Variants in DIAPH2 observed in about 807,000 individuals in gnomAD.
DIAPH2 encodes the protein protein diaphanous homolog 2.
DIAPH2 carries 35 observed loss-of-function variants against 92.7 expected under a neutral mutation model. That is an observed-to-expected ratio of 0.38 (90% CI 0.29 to 0.50). The LOEUF is 0.50. Ranked by LOEUF, DIAPH2 falls within the 20% of genes least tolerant of loss-of-function variation. The pLI, the probability that DIAPH2 is intolerant of heterozygous loss-of-function variation, is 0.94. For synonymous variants in DIAPH2, 301 were observed against 280.4 expected, an observed-to-expected ratio of 1.07 and a Z score of -0.73; for missense variants, 701 against 819.5, an observed-to-expected ratio of 0.86 and a Z score of 1.77.
At chrX:97,538,639 T>A (rs1386940893) in intron 26 of DIAPH2, among the ~76,000 whole-genome samples, 3 of 112,311 alleles carry the variant, frequency 2.7e-5, no homozygotes, top group Non-Finnish European at 5.6e-5. Context: ...CTTTATGGAT[T>A]CACTGCAGCT....
intron 23 of DIAPH2, among the ~76,000 whole-genome samples, chrX:97,336,391 G>A (rs866549997): frequency 2.8e-5 from 3 of 107,451 alleles, no homozygotes; most frequent in Admixed American, 1.0e-4. Context: ...GACTACAGGC[G>A]CCCGCCACCA....
At chrX:97,015,897 C>T (rs1370982368) in intron 17 of DIAPH2, among the ~76,000 whole-genome samples, 2 of 109,543 alleles carry the variant, frequency 1.8e-5, no homozygotes, top group Admixed American at 2.0e-4. Flanking sequence ...TATACACTAA[C>T]CTATATATTG....
At chrX:96,698,892 TAAA>T (rs2063839165) in intron 1 of DIAPH2, among the ~76,000 whole-genome samples, 1 of 108,088 alleles carries the variant, frequency 9.3e-6, no homozygotes, top group South Asian at 4.1e-4. Context: ...CATGCCCCAC[TAAA>T]TTTTTTTTTT....
chrX:97,574,918 G>A (rs1165425941), intron 26 of DIAPH2, among the ~76,000 whole-genome samples: 1 of 111,811 alleles, frequency 8.9e-6, no homozygotes, highest in Non-Finnish European at 1.9e-5. Flanking sequence ...TCTATTATAA[G>A]AGCCTAAGCA....
chrX:97,324,318 A>G (rs770076106), intron 23 of DIAPH2, among the ~76,000 whole-genome samples: 1 of 111,738 alleles, frequency 8.9e-6, no homozygotes, highest in Non-Finnish European at 1.9e-5. Context: ...TCAGGTGGCA[A>G]CTGCACTGTC....
intron 26 of DIAPH2, 64 bp from the exon 27 acceptor site, chrX:97,599,189 A>G: frequency 1.2e-6 from 1 of 813,431 alleles, no homozygotes; most frequent in Middle Eastern, 3.0e-4. Flanking sequence ...TCAACCTAAC[A>G]TCATGTAATA....
chrX:97,168,635 A>G (rs2067429709), intron 22 of DIAPH2, among the ~76,000 whole-genome samples: 2 of 111,973 alleles, frequency 1.8e-5, no homozygotes, highest in African/African-American at 3.2e-5. Context: ...GAGGAAAACA[A>G]TAAACACATA....
chrX:97,178,069 G>A (rs1569320951), intron 22 of DIAPH2, among the ~76,000 whole-genome samples: 1 of 110,755 alleles, frequency 9.0e-6, no homozygotes, highest in Non-Finnish European at 1.9e-5. Flanking sequence ...AAGTTAGCCA[G>A]TTGTGGTGGT....
chrX:97,248,156 C>G (rs939619464), intron 23 of DIAPH2, among the ~76,000 whole-genome samples: 4 of 111,185 alleles, frequency 3.6e-5, no homozygotes, highest in African/African-American at 9.8e-5. Context: ...CTTATATAAC[C>G]AAATGTTTAA....
chrX:97,201,220 C>T (rs764067187), intron 22 of DIAPH2, among the ~76,000 whole-genome samples: 16 of 102,889 alleles, frequency 1.6e-4, no homozygotes, highest in African/African-American at 5.8e-4. Flanking sequence ...AAAACCAGCG[C>T]AAAAACTCTG....
At chrX:97,291,513 A>G (rs767328260) in intron 23 of DIAPH2, among the ~76,000 whole-genome samples, 1 of 111,707 alleles carries the variant, frequency 9.0e-6, no homozygotes, top group Non-Finnish European at 1.9e-5. Flanking sequence ...AGCTTCTACT[A>G]ATACAACAAG....
At chrX:97,143,565 TTATA>T (rs2067222820) in intron 22 of DIAPH2, among the ~76,000 whole-genome samples, 1 of 110,264 alleles carries the variant, frequency 9.1e-6, no homozygotes, top group Non-Finnish European at 1.9e-5. Context: ...CAACAGGTAT[TTATA>T]TAAACCTCAA....
chrX:97,197,033 G>A (rs1283363413), intron 22 of DIAPH2, among the ~76,000 whole-genome samples: 3 of 111,125 alleles, frequency 2.7e-5, no homozygotes, highest in East Asian at 2.8e-4. Flanking sequence ...TGATCCACCC[G>A]CCTCAGCCTC....
chrX:97,551,431 A>G (rs1276829647), intron 26 of DIAPH2, among the ~76,000 whole-genome samples: 1 of 109,403 alleles, frequency 9.1e-6, no homozygotes, highest in Non-Finnish European at 1.9e-5. Flanking sequence ...CTCTACTAAA[A>G]ATACAAAACT....
chrX:96,939,484 G>GTGTATATATATATA, intron 12 of DIAPH2, 102 bp downstream of exon 12: 1 of 152,152 alleles, frequency 6.6e-6, no homozygotes, highest in Non-Finnish European at 1.3e-5. Context: ...ATATGTGTGT[G>GTGTATATATATATA]TATGTATATA....
At chrX:96,762,025 T>C (rs964583680) in intron 4 of DIAPH2, among the ~76,000 whole-genome samples, 3 of 111,758 alleles carry the variant, frequency 2.7e-5, no homozygotes, top group African/African-American at 9.7e-5. Flanking sequence ...CTTTTCAACA[T>C]AGGATTCTTA....
chrX:96,956,816 C>T (rs2065813457), intron 15 of DIAPH2, among the ~76,000 whole-genome samples: 1 of 112,124 alleles, frequency 8.9e-6, no homozygotes, highest in South Asian at 3.7e-4. Flanking sequence ...TCCAAACTTT[C>T]CCACATTTTC....
At chrX:97,031,356 G>A (rs1367861286) in intron 17 of DIAPH2, among the ~76,000 whole-genome samples, 1 of 96,755 alleles carries the variant, frequency 1.0e-5, no homozygotes, top group Non-Finnish European at 2.1e-5. Flanking sequence ...GCGGGAGGGG[G>A]GGGGACATCC....
intron 4 of DIAPH2, among the ~76,000 whole-genome samples, chrX:96,813,888 G>T (rs1437284787): frequency 2.7e-5 from 3 of 112,174 alleles, no homozygotes; most frequent in Non-Finnish European, 3.8e-5. Context: ...TCTGCTGAAA[G>T]ATCCACTGTC....
Sources: gnomAD v4.1 joint callset for allele counts (sites outside exome capture counted in the v4.1 genomes callset) on GRCh38, gnomAD v4.1.1 for gene constraint, MANE v1.5 for transcripts, NCBI Gene and HGNC (gene_info 2026-07-23, HGNC 2026-07-21) for gene names.